Variants in GRXCR1 observed in about 807,000 individuals in gnomAD.
The protein encoded by GRXCR1 is glutaredoxin domain-containing cysteine-rich protein 1.
Under a neutral mutation model 27.3 loss-of-function variants are expected in GRXCR1, and 27 were observed. The observed-to-expected ratio is 0.99, with a 90% CI of 0.73 to 1.37. The LOEUF is 1.37. Ranked by LOEUF, GRXCR1 falls within the 40% of genes most tolerant of loss-of-function variation. The probability of loss-of-function intolerance (pLI) is 0.00; values close to 1 mark genes in which losing one functional copy is unlikely to be tolerated. For synonymous variants in GRXCR1, 122 were observed against 131.1 expected (o/e 0.93, Z 0.47); for missense variants, 379 against 354.4 (o/e 1.07, Z -0.56).
At chr4:42,986,514 C>T (rs1711728494) in intron 2 of GRXCR1, among the ~76,000 whole-genome samples, 1 of 152,048 alleles carries the variant, frequency 6.6e-6, no homozygotes, top group East Asian at 1.9e-4. Flanking sequence ...CTCTGTGGTG[C>T]CCTGGAGATT....
chr4:43,016,101 A>T (rs1712923413), intron 2 of GRXCR1, among the ~76,000 whole-genome samples: 2 of 152,244 alleles, frequency 1.3e-5, no homozygotes. Context: ...AGTATGCTAA[A>T]TACAAGCTGA....
At chr4:42,964,110 A>G (rs1328874340) in intron 2 of GRXCR1, among the ~76,000 whole-genome samples, 1 of 151,998 alleles carries the variant, frequency 6.6e-6, no homozygotes. Flanking sequence ...TTTTAACCAG[A>G]GCTGGACACA....
intron 2 of GRXCR1, among the ~76,000 whole-genome samples, chr4:42,965,142 T>G (rs1408308355): frequency 6.6e-6 from 1 of 152,030 alleles, no homozygotes; most frequent in Non-Finnish European, 1.5e-5. Context: ...CCCTATAGTT[T>G]GAGGAATCTC....
At chr4:42,941,934 G>A (rs866060600) in intron 1 of GRXCR1, among the ~76,000 whole-genome samples, 1 of 152,060 alleles carries the variant, frequency 6.6e-6, no homozygotes, top group South Asian at 2.1e-4. Context: ...GTCAATTTAG[G>A]AAACTATCAA....
rs572141862 is a variant in GRXCR1, at chr4:42,959,133, T to C, written c.385-3759T>C. Among the ~76,000 whole-genome samples the C allele has an allele frequency of 7.2e-5, 11 of 152,108 alleles. 1 individual carries two copies. In the South Asian group the frequency reaches 2.3e-3, roughly 32 times the overall value. On this transcript the variant is annotated intron_variant, in intron 1 of 3. Coordinates refer to ENST00000399770, the MANE Select transcript of GRXCR1 (RefSeq NM_001080476.3). ...CCTGCACTCTCATGCTTATGTTTAT[T>C]GCATCATTATTTACAATTGCCAAGA...
chr4:42,945,471 T>C (rs765263657), intron 1 of GRXCR1, among the ~76,000 whole-genome samples: 44 of 152,172 alleles, frequency 2.9e-4, no homozygotes, highest in Non-Finnish European at 3.4e-4. Context: ...TTTTCTTCCT[T>C]ACCTTTGGGA....
At chr4:42,981,344 C>A (rs1748663039) in intron 2 of GRXCR1, among the ~76,000 whole-genome samples, 1 of 151,952 alleles carries the variant, frequency 6.6e-6, no homozygotes, top group Non-Finnish European at 1.5e-5. Context: ...ACAATGTGCC[C>A]CCCCATATTT....
At position 43,013,435 on chromosome 4, in the gene GRXCR1, A is replaced by G. The variant is rs117508913; in HGVS notation, c.628-6919A>G. 1.9e-4 allele frequency among the ~76,000 whole-genome samples: 29 copies of G among 152,230 alleles called. No individual in the cohort carries two copies. In the East Asian group the frequency reaches 5.4e-3, roughly 28 times the overall value. ...TATAAGGGGGAGCTAAACTTTGGGTACTCATGGACATAAAGATGGCAACAA... is the reference window on the plus strand; with the variant it reads ...TATAAGGGGGAGCTAAACTTTGGGTGCTCATGGACATAAAGATGGCAACAA... On this transcript the variant is annotated intron_variant, in intron 2 of 3. Transcript: ENST00000399770.
intron 1 of GRXCR1, among the ~76,000 whole-genome samples, chr4:42,920,361 C>A (rs896058645): frequency 1.4e-5 from 2 of 144,930 alleles, no homozygotes; most frequent in African/African-American, 5.0e-5. Context: ...CTTATAATGG[C>A]CCAATGAGTG....
At chr4:42,950,585 T>G (rs1350402433) in intron 1 of GRXCR1, among the ~76,000 whole-genome samples, 4 of 152,216 alleles carry the variant, frequency 2.6e-5, no homozygotes, top group Non-Finnish European at 5.9e-5. Context: ...GAGATATTTC[T>G]GAATTAGATT....
intron 2 of GRXCR1, among the ~76,000 whole-genome samples, chr4:43,003,870 G>A (rs1051588288): frequency 5.3e-5 from 8 of 152,228 alleles, no homozygotes; most frequent in Non-Finnish European, 8.8e-5. Flanking sequence ...CCATGTGGTA[G>A]AAAAGAAGAA....
rs1250424720 is a variant in GRXCR1 at position 42,893,713 on chromosome 4, AG to A, written c.384+64del. ...CTAACTCACCATCTGAACACCTCTC[AG>A]TTCTCCAGTTAAAGCAAGCCTCTCT... is the stretch of plus-strand genomic sequence containing the variant. On this transcript the variant is annotated intron_variant, in intron 1 of 3. Coordinates refer to ENST00000399770, the MANE Select transcript of GRXCR1 (RefSeq NM_001080476.3). The A allele has an allele frequency of 6.7e-6, 10 of 1,490,614 alleles. No homozygotes were observed. The Admixed American group carries it at 1.2e-4, about 17-fold the overall frequency. 92.3% of individuals were successfully genotyped at this position (1,490,614 alleles called of 1,614,324 possible). A position where few individuals can be genotyped will look rare whatever the true frequency, so the allele number is the denominator to read the frequency against.
chr4:42,948,412 G>A (rs1577916833), intron 1 of GRXCR1, among the ~76,000 whole-genome samples: 2 of 152,068 alleles, frequency 1.3e-5, no homozygotes, highest in East Asian at 3.9e-4. Flanking sequence ...ACACACAAGT[G>A]ATTGTATCAA....
At chr4:42,971,205 C>T (rs574226756) in intron 2 of GRXCR1, among the ~76,000 whole-genome samples, 1 of 152,252 alleles carries the variant, frequency 6.6e-6, no homozygotes, top group African/African-American at 2.4e-5. Flanking sequence ...TGGTCAAGTC[C>T]ATTCAACAAG....
chr4:43,001,101 ATTT>A (rs112275383), intron 2 of GRXCR1, among the ~76,000 whole-genome samples: 1 of 133,892 alleles, frequency 7.5e-6, no homozygotes, highest in Admixed American at 7.5e-5. Context: ...TAATTTTTGT[ATTT>A]TTTTTTTTTT....
intron 1 of GRXCR1, among the ~76,000 whole-genome samples, chr4:42,905,014 C>T (rs1243143988): frequency 6.6e-6 from 1 of 152,118 alleles, no homozygotes; most frequent in African/African-American, 2.4e-5. Context: ...ATCTTGGTAC[C>T]ACAAGATTTT....
chr4:43,023,190 G>C (rs1713147036), intron 3 of GRXCR1, among the ~76,000 whole-genome samples: 1 of 152,142 alleles, frequency 6.6e-6, no homozygotes, highest in South Asian at 2.1e-4. Flanking sequence ...TAGGTCCAGG[G>C]AATAGGCTGG....
In GRXCR1 at chr4:43,021,749, A is replaced by G. The variant is rs181576497; in HGVS notation, c.693+1330A>G. ...TACGGGAGGAGAATGCTTGGGCTTT[A>G]GCAAAATAATTTACTATGGTCTGAT... On this transcript the variant is annotated intron_variant, in intron 3 of 3. Transcript: ENST00000399770. 6.6e-4 allele frequency among the ~76,000 whole-genome samples: 100 copies of G among 152,346 alleles called. No homozygotes were observed. The East Asian group carries it at 0.015, about 23-fold the overall frequency.
chr4:42,982,784 A>T (rs2109785980), intron 2 of GRXCR1, among the ~76,000 whole-genome samples: 1 of 149,860 alleles, frequency 6.7e-6, no homozygotes, highest in East Asian at 2.0e-4. Context: ...TGTGGTTTTG[A>T]TTTGCATTTC....
Sources: gnomAD v4.1 joint callset for allele counts (sites outside exome capture counted in the v4.1 genomes callset) on GRCh38, gnomAD v4.1.1 for gene constraint, MANE v1.5 for transcripts, NCBI Gene and HGNC (gene_info 2026-07-23, HGNC 2026-07-21) for gene names.